Variants in MAP3K7CL observed in about 807,000 individuals in gnomAD.
The protein encoded by MAP3K7CL is MAP3K7 C-terminal like, also known as MAP3K7 C-terminal-like protein.
A neutral mutation model predicts 18.6 loss-of-function variants in MAP3K7CL; 16 were observed. The ratio of observed to expected loss-of-function variants is 0.86; its 90% CI spans 0.58 to 1.31. The LOEUF is 1.31. Among genes scored for constraint, MAP3K7CL ranks in the 50% most tolerant of loss-of-function variants. The pLI, the probability that MAP3K7CL is intolerant of heterozygous loss-of-function variation, is 0.00. For missense variants in MAP3K7CL, 163 were observed against 174.4 expected, an observed-to-expected ratio of 0.93 and a Z score of 0.37; for synonymous variants, 65 against 66.8, an observed-to-expected ratio of 0.97 and a Z score of 0.13.
intron 4 of MAP3K7CL, among the ~76,000 whole-genome samples, chr21:29,098,727 A>G (rs1343457865): frequency 6.6e-6 from 1 of 152,210 alleles, no homozygotes; most frequent in South Asian, 2.1e-4. Flanking sequence ...TGAATGGATG[A>G]TTTAAACAGC....
intron 4 of MAP3K7CL, among the ~76,000 whole-genome samples, chr21:29,104,304 T>A (rs1320200351): frequency 6.6e-6 from 1 of 152,088 alleles, no homozygotes; most frequent in Non-Finnish European, 1.5e-5. Context: ...ATTCTTCATT[T>A]CTCCTCTTGG....
chr21:29,154,312 C>T lies in MAP3K7CL; in HGVS notation c.132+5062C>T, dbSNP rs143886599. Among the ~76,000 whole-genome samples the T allele has an allele frequency of 4.7e-3, 712 of 151,894 alleles. 3 individuals are homozygous for T. The highest frequency in any genetic ancestry group is 7.3e-3 in the Non-Finnish European group (498 of 67,972). On this transcript the variant is annotated intron_variant, in intron 3 of 4. Coordinates refer to ENST00000399928, the MANE Select transcript of MAP3K7CL (RefSeq NM_001286620.2). ...ATGTAAAATGAAATAAAAGCATCTG[C>T]TTGAATTTTTAAGTTAGGGATAGAA...
intron 4 of MAP3K7CL, among the ~76,000 whole-genome samples, chr21:29,164,061 T>C (rs1349323558): frequency 6.6e-6 from 1 of 151,162 alleles, no homozygotes; most frequent in African/African-American, 2.4e-5. Context: ...GATCACACCA[T>C]TGCACTCCAG....
chr21:29,106,915 G>GTCCAATTCTC (rs2086332437), intron 4 of MAP3K7CL, among the ~76,000 whole-genome samples: 1 of 152,196 alleles, frequency 6.6e-6, no homozygotes, highest in Admixed American at 6.5e-5. Context: ...GTCCAATTCT[G>GTCCAATTCTC]TCCAAGCTGC....
At chr21:29,107,691 T>A (rs375443009) in intron 4 of MAP3K7CL, among the ~76,000 whole-genome samples, 1 of 152,256 alleles carries the variant, frequency 6.6e-6, no homozygotes, top group East Asian at 1.9e-4. Context: ...ATGAAAAAAA[T>A]AGGGACACTA....
intron 4 of MAP3K7CL, among the ~76,000 whole-genome samples, chr21:29,096,440 A>G (rs2086123345): frequency 6.6e-6 from 1 of 152,186 alleles, no homozygotes. Context: ...GTGCACAAAG[A>G]GTTTATAGCA....
intron 4 of MAP3K7CL, chr21:29,108,965 TCAA>T: frequency 7.7e-7 from 1 of 1,297,340 alleles, no homozygotes; most frequent in South Asian, 1.5e-5. Context: ...GTCTTGAAGG[TCAA>T]CTTGAATCTG....
At chr21:29,133,540 G>A in intron 2 of MAP3K7CL, 126 bp downstream of exon 2, 2 of 576,332 alleles carry the variant, frequency 3.5e-6, no homozygotes, top group South Asian at 5.1e-5. Flanking sequence ...TGGGGAATGT[G>A]ATATTTCATC....
At chr21:29,112,359 C>A (rs1292733254) in intron 4 of MAP3K7CL, among the ~76,000 whole-genome samples, 1 of 151,982 alleles carries the variant, frequency 6.6e-6, no homozygotes, top group Admixed American at 6.6e-5. Context: ...TTTGGAAGGA[C>A]TGAAATTAGA....
rs144407396 is a variant in MAP3K7CL, at chr21:29,086,252, G to A, written c.57+335G>A. ...GTAAACTAAATGATCCGTGGAGTAA[G>A]GACTGCTTTATATGGTGTTCTTAGA... On this transcript the variant is annotated intron_variant, in intron 1 of 6. Transcript: ENST00000286791. Among the ~76,000 whole-genome samples, 736 of 152,298 alleles carry A rather than the reference G, an allele frequency of 4.8e-3. 7 individuals are homozygous for A. Among genetic ancestry groups the A allele is most frequent in the African/African-American group, 0.017 (704 of 41,548 alleles).
upstream of MAP3K7CL, among the ~76,000 whole-genome samples, chr21:29,083,583 G>T (rs1248808297): frequency 1.3e-5 from 2 of 151,718 alleles, no homozygotes; most frequent in African/African-American, 4.8e-5. Context: ...TTTTATGGCC[G>T]CTATGAATCT....
chr21:29,151,059 G>A (rs529535353), intron 3 of MAP3K7CL, among the ~76,000 whole-genome samples: 2 of 151,468 alleles, frequency 1.3e-5, no homozygotes, highest in Admixed American at 1.3e-4. Flanking sequence ...CGTGAGCCAC[G>A]GCGCCTGGCC....
intron 4 of MAP3K7CL, among the ~76,000 whole-genome samples, chr21:29,171,621 A>G (rs1601285132): frequency 6.6e-6 from 1 of 152,228 alleles, no homozygotes; most frequent in East Asian, 1.9e-4. Context: ...CAGCTTAGTC[A>G]ACATGGTGAA....
intron 4 of MAP3K7CL, among the ~76,000 whole-genome samples, chr21:29,114,599 C>T (rs2086474639): frequency 6.6e-6 from 1 of 152,114 alleles, no homozygotes; most frequent in Non-Finnish European, 1.5e-5. Context: ...CTATGTTGCC[C>T]AGGCTGGTCT....
chr21:29,171,113 T>A (rs941066023), intron 4 of MAP3K7CL, among the ~76,000 whole-genome samples: 12 of 152,222 alleles, frequency 7.9e-5, no homozygotes, highest in African/African-American at 2.7e-4. Flanking sequence ...TGGCTCACTC[T>A]TATTAGCTGT....
chr21:29,159,352 T>C (rs2087484310), intron 3 of MAP3K7CL, among the ~76,000 whole-genome samples: 1 of 152,182 alleles, frequency 6.6e-6, no homozygotes, highest in Non-Finnish European at 1.5e-5. Flanking sequence ...AACATGAATC[T>C]TATAGGGATG....
chr21:29,124,212 G>A (rs2086643489), intron 4 of MAP3K7CL, among the ~76,000 whole-genome samples: 1 of 151,808 alleles, frequency 6.6e-6, no homozygotes. Context: ...AAATTAGCTG[G>A]GCGTGGTGGC....
chr21:29,095,619 G>A (rs2086109208), intron 4 of MAP3K7CL, among the ~76,000 whole-genome samples: 1 of 152,230 alleles, frequency 6.6e-6, no homozygotes, highest in Admixed American at 6.5e-5. Flanking sequence ...CCCAACTTAT[G>A]TGCTGTGAAT....
intron 4 of MAP3K7CL, among the ~76,000 whole-genome samples, chr21:29,163,524 G>C (rs549231521): frequency 5.3e-4 from 81 of 152,238 alleles, no homozygotes; most frequent in African/African-American, 1.9e-3. Context: ...TCTTGGCATA[G>C]ATTTCAAGAC....
Sources: allele counts gnomAD v4.1 joint callset (sites outside exome capture counted in the v4.1 genomes callset), GRCh38; gene constraint gnomAD v4.1.1; transcripts MANE v1.5; gene names NCBI Gene and HGNC (gene_info 2026-07-23, HGNC 2026-07-21).